Variants in TPD52L2 observed in about 807,000 individuals in gnomAD.
TPD52L2 encodes the protein TPD52 like 2, also known as tumor protein D54.
Under a neutral mutation model 24.7 loss-of-function variants are expected in TPD52L2, and 19 were observed. That is an observed-to-expected ratio of 0.77 (90% CI 0.54 to 1.13). TPD52L2 has a LOEUF of 1.13. TPD52L2 is among the 50% of genes most tolerant of loss of function. TPD52L2 has a pLI of 0.00. For missense variants in TPD52L2, 236 were observed against 250.4 expected (o/e 0.94, Z 0.39); for synonymous variants, 104 against 100.2 (o/e 1.04, Z -0.23).
At position 63,869,516 on chromosome 20, in the gene TPD52L2, C is replaced by T. The variant is rs754261615; in HGVS notation, c.165+75C>T. Reference sequence around the variant, plus strand: ...CTTGGATTAGTGAGAGGCCAGGGTACTGGCCACGCTCGGGAGGAATTGCCC... The same window carrying T: ...CTTGGATTAGTGAGAGGCCAGGGTATTGGCCACGCTCGGGAGGAATTGCCC... On this transcript the variant is annotated intron_variant, in intron 2 of 6. Coordinates refer to ENST00000346249, the MANE Select transcript of TPD52L2 (RefSeq NM_003288.4). 3 of 1,579,292 alleles carry T rather than the reference C, an allele frequency of 1.9e-6. No homozygotes were observed. The South Asian group carries it at 3.3e-5, about 18-fold the overall frequency.
At chr20:63,886,419 G>T (rs1398844049) in intron 5 of TPD52L2, among the ~76,000 whole-genome samples, 1 of 151,604 alleles carries the variant, frequency 6.6e-6, no homozygotes, top group African/African-American at 2.4e-5. Context: ...GGAGTGCCGT[G>T]GCGCGATCTC....
chr20:63,887,323 C>T, intron 5 of TPD52L2: 3 of 625,286 alleles, frequency 4.8e-6, no homozygotes, highest in Non-Finnish European at 8.6e-6. Context: ...CTTCCTATGG[C>T]AGTGCTCTCC....
intron 5 of TPD52L2, 188 bp from the exon 6 acceptor site, chr20:63,889,002 T>C (rs2053232714): frequency 3.2e-6 from 2 of 628,450 alleles, no homozygotes; most frequent in East Asian, 2.7e-5. Flanking sequence ...TTGTTGGGCA[T>C]GGCCGACCTC....
chr20:63,887,984 A>C, intron 5 of TPD52L2: 1 of 297,088 alleles, frequency 3.4e-6, no homozygotes, highest in Non-Finnish European at 6.4e-6. Flanking sequence ...TCACGGAAAC[A>C]CCCAGAGCTG....
At chr20:63,874,963 A>T (rs2052611776) in intron 3 of TPD52L2, among the ~76,000 whole-genome samples, 2 of 151,856 alleles carry the variant, frequency 1.3e-5, no homozygotes, top group Admixed American at 1.3e-4. Context: ...AACATGGAGA[A>T]ACCCTGTCTC....
At chr20:63,870,668 C>T (rs548730980) in intron 2 of TPD52L2, among the ~76,000 whole-genome samples, 6 of 150,688 alleles carry the variant, frequency 4.0e-5, no homozygotes, top group African/African-American at 9.8e-5. Context: ...GGACTACAGG[C>T]GCCCACCACC....
At chr20:63,867,286 C>T (rs1054506087) in intron 1 of TPD52L2, among the ~76,000 whole-genome samples, 18 of 152,308 alleles carry the variant, frequency 1.2e-4, no homozygotes, top group African/African-American at 4.1e-4. Context: ...AACAGAAAGG[C>T]TGGGCTCGGT....
At chr20:63,882,649 CTTTG>C in intron 4 of TPD52L2, 66 bp from the exon 5 acceptor site, 1 of 1,276,134 alleles carries the variant, frequency 7.8e-7, no homozygotes, top group Non-Finnish European at 1.1e-6. Flanking sequence ...GCTCCCAGTG[CTTTG>C]TTTGCTTGGC....
Position 63,889,112 on chromosome 20 carries a change from C to A in TPD52L2, c.477-78C>A, listed in dbSNP as rs1415377246. The A allele has an allele frequency of 6.8e-6, 9 of 1,326,518 alleles. No individual in the cohort carries two copies. In the East Asian group the frequency reaches 1.8e-4, roughly 27 times the overall value. The allele number at this position is 1,326,518 out of a possible 1,614,324, so 82.2% of individuals were successfully genotyped here. A position where few individuals can be genotyped will look rare whatever the true frequency, so the allele number is the denominator to read the frequency against. On this transcript the variant is annotated intron_variant, in intron 5 of 6. Coordinates refer to ENST00000346249, the MANE Select transcript of TPD52L2 (RefSeq NM_003288.4). ...GGGACCCTTTGGAGGCTGGCCCTAACCCTGAGGCCCTTCCGAGTTAGGAGA... is the reference window on the plus strand; with the variant it reads ...GGGACCCTTTGGAGGCTGGCCCTAAACCTGAGGCCCTTCCGAGTTAGGAGA...
At chr20:63,886,461 C>T (rs917302017) in intron 5 of TPD52L2, among the ~76,000 whole-genome samples, 15 of 143,302 alleles carry the variant, frequency 1.0e-4, no homozygotes, top group South Asian at 4.2e-4. Flanking sequence ...CCCGGGTTCA[C>T]GCCATTCTCC....
At chr20:63,888,362 A>C (rs1162856628) in intron 5 of TPD52L2, 1 of 152,544 alleles carries the variant, frequency 6.6e-6, no homozygotes, top group Non-Finnish European at 1.5e-5. Flanking sequence ...AACTGCACAG[A>C]CTTTTCATAA....
At chr20:63,868,015 G>T (rs971567663) in intron 1 of TPD52L2, among the ~76,000 whole-genome samples, 1 of 151,484 alleles carries the variant, frequency 6.6e-6, no homozygotes, top group Non-Finnish European at 1.5e-5. Context: ...CCGGGTTCAA[G>T]TGATTCTCCT....
Position 63,882,679 on chromosome 20 carries a change from G to A in TPD52L2, c.375-40G>A, listed in dbSNP as rs763709444. The A allele has an allele frequency of 9.8e-6, 15 of 1,526,216 alleles. No individual in the cohort carries two copies. The East Asian group carries it at 1.6e-4, about 16-fold the overall frequency. The allele number at this position is 1,526,216 out of a possible 1,614,324, so 94.5% of individuals were successfully genotyped here. A position where few individuals can be genotyped will look rare whatever the true frequency, so the allele number is the denominator to read the frequency against. ...TTTGCTTGGCTGTGGGTGGTGACCC[G>A]CCCATGCTGTCTGGTTGATTTAACT... On this transcript the variant is annotated intron_variant, in intron 4 of 6. Coordinates refer to ENST00000346249, the MANE Select transcript of TPD52L2 (RefSeq NM_003288.4).
intron 3 of TPD52L2, 51 bp downstream of exon 3, chr20:63,873,867 A>C (rs1450764259): frequency 7.0e-7 from 1 of 1,422,530 alleles, no homozygotes; most frequent in East Asian, 2.7e-5. Context: ...AACGGGCACC[A>C]CACGTGCCCC....
At chr20:63,873,073 G>C (rs2052528650) in intron 2 of TPD52L2, among the ~76,000 whole-genome samples, 1 of 151,980 alleles carries the variant, frequency 6.6e-6, no homozygotes, top group African/African-American at 2.4e-5. Context: ...AACCTGGCAT[G>C]GTCATCCTGG....
rs1324563327 is a variant in TPD52L2, at chr20:63,865,339, C to T, written c.-27C>T. On this transcript the variant is annotated 5_prime_UTR_variant, in exon 1 of 7. Coordinates refer to ENST00000346249, the MANE Select transcript of TPD52L2 (RefSeq NM_003288.4). ...GCCCGCTCGGCTCCCATAGCGCCCG[C>T]GACAGCGGTCCGGACGCCGCCCGAA... The T allele has an allele frequency of 2.6e-6, 4 of 1,522,110 alleles. No individual in the cohort carries two copies. In the African/African-American group the frequency reaches 4.2e-5, roughly 16 times the overall value. 94.3% of individuals were successfully genotyped at this position (1,522,110 alleles called of 1,614,324 possible).
At chr20:63,872,970 C>T (rs1050739281) in intron 2 of TPD52L2, among the ~76,000 whole-genome samples, 3 of 151,918 alleles carry the variant, frequency 2.0e-5, no homozygotes, top group Non-Finnish European at 4.4e-5. Flanking sequence ...GCCTTGGCCT[C>T]CCAGAGTGCT....
intron 5 of TPD52L2, among the ~76,000 whole-genome samples, chr20:63,884,798 G>C (rs993301451): frequency 4.2e-4 from 64 of 152,176 alleles, no homozygotes; most frequent in Admixed American, 2.8e-3. Flanking sequence ...GGGGCCAGCT[G>C]GGGGAGCGGG....
At chr20:63,874,681 C>T (rs530190300) in intron 3 of TPD52L2, among the ~76,000 whole-genome samples, 48 of 152,252 alleles carry the variant, frequency 3.2e-4, no homozygotes, top group African/African-American at 9.6e-4. Flanking sequence ...GGCTTATATA[C>T]GTGTTCTAAA....
Sources: gnomAD v4.1 joint callset for allele counts (sites outside exome capture counted in the v4.1 genomes callset) on GRCh38, gnomAD v4.1.1 for gene constraint, MANE v1.5 for transcripts, NCBI Gene and HGNC (gene_info 2026-07-23, HGNC 2026-07-21) for gene names.